CRK: variants seen among roughly 807,000 people sequenced by gnomAD.
CRK encodes CRK proto-oncogene, adaptor protein, also known as adapter molecule crk.
In CRK, 4 loss-of-function variants were observed where a neutral mutation model predicts 29.8. The observed-to-expected ratio is 0.13, with a 90% CI of 0.07 to 0.31. The LOEUF is 0.31. Ranked by LOEUF, CRK falls within the 10% of genes least tolerant of loss-of-function variation. CRK has a pLI of 1.00. For missense variants in CRK, 274 were observed against 396.5 expected (o/e 0.69, Z 2.62); for synonymous variants, 153 against 164.9 (o/e 0.93, Z 0.55).
Position 1,437,225 on chromosome 17 carries a change from T to G in CRK, c.242-70A>C. ...GGAAATGAAATGCAGATTTTATTTT[T>G]ATTTTTTTTAGAGTTGGGATCTCAC... is the stretch of plus-strand genomic sequence containing the variant. On this transcript the variant is annotated intron_variant, in intron 1 of 2. Transcript: ENST00000300574. 3 of 1,469,320 alleles carry G rather than the reference T, an allele frequency of 2.0e-6. No homozygotes were observed. The South Asian group carries it at 4.3e-5, about 21-fold the overall frequency. 91.0% of individuals were successfully genotyped at this position (1,469,320 alleles called of 1,614,324 possible). A position where few individuals can be genotyped will look rare whatever the true frequency, so the allele number is the denominator to read the frequency against.
At chr17:1,442,747 C>T (rs1385355965) in intron 1 of CRK, among the ~76,000 whole-genome samples, 1 of 150,496 alleles carries the variant, frequency 6.6e-6, no homozygotes, top group Non-Finnish European at 1.5e-5. Flanking sequence ...AGCTGGGATA[C>T]AGGTGTGTGC....
At chr17:1,441,125 G>A (rs948814799) in intron 1 of CRK, among the ~76,000 whole-genome samples, 9 of 151,952 alleles carry the variant, frequency 5.9e-5, no homozygotes, top group Middle Eastern at 6.8e-3. Flanking sequence ...ATGGGATTTC[G>A]CCATGTTGCC....
At chr17:1,438,908 T>G (rs1376163949) in intron 1 of CRK, among the ~76,000 whole-genome samples, 1 of 151,240 alleles carries the variant, frequency 6.6e-6, no homozygotes, top group Non-Finnish European at 1.5e-5. Context: ...AGTGGCATGA[T>G]CATAGCTAAC....
At chr17:1,436,288 G>A (rs897371702) in intron 2 of CRK, among the ~76,000 whole-genome samples, 5 of 152,096 alleles carry the variant, frequency 3.3e-5, no homozygotes, top group African/African-American at 1.2e-4. Flanking sequence ...TTTAGACAAC[G>A]ACAAACAGAA....
At chr17:1,449,159 G>GC (rs924410360) in intron 1 of CRK, among the ~76,000 whole-genome samples, 1 of 151,998 alleles carries the variant, frequency 6.6e-6, no homozygotes, top group Non-Finnish European at 1.5e-5. Flanking sequence ...CACGTTTTAT[G>GC]CCCCCCTCCA....
In CRK at chr17:1,436,944, A is replaced by G. The variant is rs1386232221; in HGVS notation, c.453T>C (p.Leu151=). Residue 151 remains leucine (L), a synonymous_variant, in exon 2 of 3, where the codon CTT becomes CTC. Coordinates refer to ENST00000300574, the MANE Select transcript of CRK (RefSeq NM_016823.4). The part of the protein sequence containing the change: ...FDFNGNDEED[L]PFKKGDILRI... ...TCAAGATGTCTCCTTTCTTAAAGGG[A>G]AGATCTTCCTCATCATTCCCATTAA... 1 of 1,614,138 alleles carries G rather than the reference A, an allele frequency of 6.2e-7. No homozygotes were observed. Among genetic ancestry groups the G allele is most frequent in the Non-Finnish European group, 8.5e-7 (1 of 1,180,032 alleles).
chr17:1,427,654 GA>G (rs2078502786), intron 2 of CRK, among the ~76,000 whole-genome samples: 3 of 151,856 alleles, frequency 2.0e-5, no homozygotes, highest in African/African-American at 4.8e-5. Flanking sequence ...GTTTGAGAGA[GA>G]GTCTCACTCT....
rs561885800 is a variant in CRK, at chr17:1,452,898, A to G, written c.241+2979T>C. On this transcript the variant is annotated intron_variant, in intron 1 of 2. Transcript: ENST00000300574. ...AGCATGAAGTCTATTGAGATCAGGA[A>G]TTTGAGACCAGCCTGGACAATACCG... Among the ~76,000 whole-genome samples the G allele has an allele frequency of 5.9e-5, 9 of 152,106 alleles. No individual in the cohort carries two copies. The East Asian group carries it at 1.7e-3, about 30-fold the overall frequency.
intron 2 of CRK, among the ~76,000 whole-genome samples, 160 bp downstream of exon 2, chr17:1,436,460 G>A (rs1258074630): frequency 2.7e-4 from 41 of 152,142 alleles, no homozygotes; most frequent in Non-Finnish European, 5.9e-5. Context: ...GGTTTTCTAT[G>A]AAGAAGAGAA....
At chr17:1,443,036 T>G (rs1346066725) in intron 1 of CRK, among the ~76,000 whole-genome samples, 13 of 150,902 alleles carry the variant, frequency 8.6e-5, no homozygotes, top group Non-Finnish European at 1.9e-4. Flanking sequence ...TGGAGTGCAG[T>G]GGTGCGATCC....
intron 1 of CRK, among the ~76,000 whole-genome samples, chr17:1,454,148 GC>G (rs1437807640): frequency 6.6e-6 from 1 of 152,170 alleles, no homozygotes; most frequent in Non-Finnish European, 1.5e-5. Context: ...GTTGCAGTGA[GC>G]CAAGATCGCG....
At chr17:1,428,234 T>A (rs1413772272) in intron 2 of CRK, among the ~76,000 whole-genome samples, 1 of 151,312 alleles carries the variant, frequency 6.6e-6, no homozygotes, top group Non-Finnish European at 1.5e-5. Flanking sequence ...TTCTCCTGCC[T>A]CAGCCTCCAG....
chr17:1,440,566 G>T (rs969408799), intron 1 of CRK, among the ~76,000 whole-genome samples: 1 of 151,746 alleles, frequency 6.6e-6, no homozygotes, highest in Non-Finnish European at 1.5e-5. Flanking sequence ...GACTGATTGA[G>T]GCCAGTAGTT....
chr17:1,423,704 A>T, intron 2 of CRK, 54 bp from the exon 3 acceptor site: 1 of 1,603,910 alleles, frequency 6.2e-7, no homozygotes, highest in Non-Finnish European at 8.5e-7. Flanking sequence ...ATGCAAGCTG[A>T]ACAACTCCAT....
At chr17:1,442,084 T>G (rs1464153598) in intron 1 of CRK, among the ~76,000 whole-genome samples, 1 of 151,872 alleles carries the variant, frequency 6.6e-6, no homozygotes, top group Non-Finnish European at 1.5e-5. Context: ...CTTGAACTCC[T>G]GAGCTCCAGA....
chr17:1,452,278 A>G (rs1401904824), intron 1 of CRK, among the ~76,000 whole-genome samples: 1 of 152,210 alleles, frequency 6.6e-6, no homozygotes, highest in East Asian at 1.9e-4. Flanking sequence ...ATCTCACTAG[A>G]TTGTCCTAGA....
chr17:1,430,333 C>A (rs2073827552), intron 2 of CRK, among the ~76,000 whole-genome samples: 1 of 151,318 alleles, frequency 6.6e-6, no homozygotes, highest in South Asian at 2.1e-4. Flanking sequence ...CAGGCGTGAA[C>A]CACTGTACCT....
chr17:1,432,265 G>C (rs10083884), intron 2 of CRK, among the ~76,000 whole-genome samples: 24,704 of 151,606 alleles, frequency 0.16, 2,872 homozygotes, highest in African/African-American at 0.33. Context: ...GAGGCAGGCG[G>C]ATCGCTTGAG....
chr17:1,454,411 G>A (rs2074041262), intron 1 of CRK, among the ~76,000 whole-genome samples: 1 of 152,036 alleles, frequency 6.6e-6, no homozygotes, highest in Admixed American at 6.6e-5. Flanking sequence ...ATGGTGGCGG[G>A]TGCCTGTAAT....
Sources: gnomAD v4.1 joint callset for allele counts (sites outside exome capture counted in the v4.1 genomes callset) on GRCh38, gnomAD v4.1.1 for gene constraint, MANE v1.5 for transcripts, NCBI Gene and HGNC (gene_info 2026-07-23, HGNC 2026-07-21) for gene names.